ADGRB3: variants seen among roughly 807,000 people sequenced by gnomAD.
ADGRB3 encodes adhesion G protein-coupled receptor B3.
Under a neutral mutation model 193.4 loss-of-function variants are expected in ADGRB3, and 37 were observed. The ratio of observed to expected loss-of-function variants is 0.19; its 90% CI spans 0.15 to 0.25. The LOEUF is 0.25. Among genes scored for constraint, ADGRB3 ranks in the 10% least tolerant of loss-of-function variants. ADGRB3 has a pLI of 1.00. For missense variants in ADGRB3, 1,637 were observed against 1,852.9 expected (o/e 0.88, Z 2.14); for synonymous variants, 690 against 644.2 (o/e 1.07, Z -1.08).
chr6:68,803,831 A>G (rs575618442), intron 3 of ADGRB3, among the ~76,000 whole-genome samples: 1 of 152,292 alleles, frequency 6.6e-6, no homozygotes, highest in South Asian at 2.1e-4. Flanking sequence ...CTTCCACTGC[A>G]CTACGGAAAT....
intron 15 of ADGRB3, among the ~76,000 whole-genome samples, chr6:69,049,630 A>G (rs1366034877): frequency 6.6e-6 from 1 of 152,102 alleles, no homozygotes; most frequent in Non-Finnish European, 1.5e-5. Context: ...GAAAAATCAC[A>G]AGTGTCTATA....
chr6:69,107,401 AAT>A (rs1773245139), intron 17 of ADGRB3, among the ~76,000 whole-genome samples: 1 of 152,210 alleles, frequency 6.6e-6, no homozygotes, highest in Admixed American at 6.5e-5. Context: ...TTATTTATCA[AAT>A]ATTTATTGAG....
intron 13 of ADGRB3, among the ~76,000 whole-genome samples, chr6:69,034,464 A>G (rs2150295126): frequency 6.6e-6 from 1 of 150,506 alleles, no homozygotes; most frequent in South Asian, 2.1e-4. Flanking sequence ...TTTAGACTAC[A>G]TAGGTGAAAC....
chr6:68,879,298 G>T (rs1582277753), intron 3 of ADGRB3, among the ~76,000 whole-genome samples: 1 of 137,038 alleles, frequency 7.3e-6, no homozygotes, highest in South Asian at 2.5e-4. Flanking sequence ...CTCACTGCAA[G>T]CTCCGCCTCC....
At chr6:69,050,231 A>G (rs189399605) in intron 15 of ADGRB3, among the ~76,000 whole-genome samples, 24 of 150,836 alleles carry the variant, frequency 1.6e-4, no homozygotes, top group African/African-American at 5.1e-4. Flanking sequence ...CAGATGAAAA[A>G]AAAATCACCC....
At chr6:68,852,873 T>C (rs956693228) in intron 3 of ADGRB3, among the ~76,000 whole-genome samples, 1 of 152,000 alleles carries the variant, frequency 6.6e-6, no homozygotes, top group Non-Finnish European at 1.5e-5. Context: ...GTAGAAAATA[T>C]TGGCTCTGAG....
At chr6:68,832,770 AAG>A (rs1321619300) in intron 3 of ADGRB3, among the ~76,000 whole-genome samples, 2 of 152,158 alleles carry the variant, frequency 1.3e-5, no homozygotes, top group African/African-American at 4.8e-5. Flanking sequence ...TTAAAAATAA[AAG>A]AGAGTGGGTG....
At chr6:68,774,243 T>C (rs1237358218) in intron 3 of ADGRB3, among the ~76,000 whole-genome samples, 1 of 152,088 alleles carries the variant, frequency 6.6e-6, no homozygotes. Flanking sequence ...ATCAAGTCTT[T>C]GGTTCTAAGA....
At chr6:69,247,863 C>T (rs968534643) in intron 20 of ADGRB3, among the ~76,000 whole-genome samples, 1 of 151,890 alleles carries the variant, frequency 6.6e-6, no homozygotes, top group African/African-American at 2.4e-5. Flanking sequence ...TTGGGGGCCC[C>T]ATTTGGAATA....
chr6:69,125,330 C>T (rs1773824654), intron 17 of ADGRB3, among the ~76,000 whole-genome samples: 1 of 152,162 alleles, frequency 6.6e-6, no homozygotes, highest in Non-Finnish European at 1.5e-5. Context: ...AACTCAATTG[C>T]TTTGTGTACA....
intron 3 of ADGRB3, among the ~76,000 whole-genome samples, chr6:68,729,058 A>G (rs1248346214): frequency 1.3e-5 from 2 of 151,678 alleles, no homozygotes; most frequent in Non-Finnish European, 3.0e-5. Context: ...ATAGAATAAT[A>G]CAAACATTAA....
chr6:68,793,435 A>G (rs748762343), intron 3 of ADGRB3, among the ~76,000 whole-genome samples: 3 of 152,122 alleles, frequency 2.0e-5, no homozygotes, highest in South Asian at 2.1e-4. Flanking sequence ...ATATCTTTAT[A>G]TCCTTTCTAG....
intron 3 of ADGRB3, among the ~76,000 whole-genome samples, chr6:68,755,482 C>A (rs1370794823): frequency 1.3e-5 from 2 of 152,042 alleles, no homozygotes; most frequent in Non-Finnish European, 2.9e-5. Flanking sequence ...TTTGATGGTT[C>A]TTCTGGATTT....
At chr6:69,299,173 T>C (rs904312394) in intron 20 of ADGRB3, among the ~76,000 whole-genome samples, 1 of 151,988 alleles carries the variant, frequency 6.6e-6, no homozygotes, top group Non-Finnish European at 1.5e-5. Context: ...GGCCATTTTT[T>C]ATGGTTTCTT....
At chr6:68,999,401 GCT>G (rs1417679974) in intron 11 of ADGRB3, among the ~76,000 whole-genome samples, 1 of 151,518 alleles carries the variant, frequency 6.6e-6, no homozygotes, top group Non-Finnish European at 1.5e-5. Flanking sequence ...AGTAGCTGGG[GCT>G]ACAGACGCCC....
At chr6:69,369,864 T>C (rs1562001769) in intron 29 of ADGRB3, among the ~76,000 whole-genome samples, 1 of 151,992 alleles carries the variant, frequency 6.6e-6, no homozygotes, top group Non-Finnish European at 1.5e-5. Flanking sequence ...AATTGCTAGG[T>C]TTTTTTTCTC....
intron 17 of ADGRB3, among the ~76,000 whole-genome samples, chr6:69,145,121 G>T (rs768649525): frequency 6.6e-6 from 1 of 152,070 alleles, no homozygotes; most frequent in Non-Finnish European, 1.5e-5. Flanking sequence ...TTTTGCTTGC[G>T]CCCACTGGGC....
intron 13 of ADGRB3, among the ~76,000 whole-genome samples, chr6:69,023,782 A>C (rs917401744): frequency 1.2e-4 from 19 of 152,142 alleles, no homozygotes; most frequent in African/African-American, 4.6e-4. Flanking sequence ...TTCATGCAGG[A>C]GACAATGAAG....
intron 17 of ADGRB3, among the ~76,000 whole-genome samples, chr6:69,124,708 T>C (rs1773809357): frequency 6.6e-6 from 1 of 152,222 alleles, no homozygotes; most frequent in African/African-American, 2.4e-5. Context: ...TACTTTTTGA[T>C]TTATTCTTTC....
Sources: allele counts gnomAD v4.1 joint callset (sites outside exome capture counted in the v4.1 genomes callset), GRCh38; gene constraint gnomAD v4.1.1; transcripts MANE v1.5; gene names NCBI Gene and HGNC (gene_info 2026-07-23, HGNC 2026-07-21).